The following PHACTR2 variants were observed in gnomAD, a reference collection of about 807,000 sequenced individuals.
PHACTR2 encodes the protein phosphatase and actin regulator 2.
A neutral mutation model predicts 76.0 loss-of-function variants in PHACTR2; 30 were observed. The observed-to-expected ratio is 0.39, with a 90% CI of 0.30 to 0.54. PHACTR2 has a LOEUF of 0.54. Among genes scored for constraint, PHACTR2 ranks in the 20% least tolerant of loss-of-function variants. PHACTR2 has a pLI of 0.61. For synonymous variants in PHACTR2, 292 were observed against 292.5 expected (o/e 1.00, Z 0.02); for missense variants, 696 against 781.1 (o/e 0.89, Z 1.30).
chr6:143,778,676 T>C (rs966819598), intron 9 of PHACTR2, among the ~76,000 whole-genome samples: 1 of 152,218 alleles, frequency 6.6e-6, no homozygotes, highest in African/African-American at 2.4e-5. Flanking sequence ...CTTTTCATGA[T>C]AGGTTCCTGG....
chr6:143,704,085 G>GTGTGTGTGTC (rs1324228115), intron 1 of PHACTR2, among the ~76,000 whole-genome samples: 1 of 142,246 alleles, frequency 7.0e-6, no homozygotes, highest in African/African-American at 2.7e-5. Context: ...GGGTGTGTGT[G>GTGTGTGTGTC]TGTGTGTGTC....
At chr6:143,643,689 T>A (rs1776606384) in intron 1 of PHACTR2, among the ~76,000 whole-genome samples, 1 of 152,162 alleles carries the variant, frequency 6.6e-6, no homozygotes, top group Non-Finnish European at 1.5e-5. Flanking sequence ...ATCTAGATAA[T>A]TATGTTTAAT....
rs753879112 is a variant in PHACTR2, at chr6:143,765,610, C to A, written c.1044C>A (p.Ala348=). The change falls in exon 6 of 13, where the codon GCC becomes GCA. Residue 348 remains alanine (A), a synonymous_variant. Transcript: ENST00000440869. The surrounding 1 kb of genome is among the most constrained non-coding windows in gnomAD (Gnocchi z 4.1). The part of the protein sequence containing the change: ...PPVAPAPSPL[A]PPLPLEDQCI... ...TGGCTCCAGCACCTTCTCCTCTGGC[C>A]CCCCCTCTCCCTCTTGAGGATCAGT... is the stretch of plus-strand genomic sequence containing the variant. 8.4e-5 allele frequency: 135 copies of A among 1,613,956 alleles called. No homozygotes were observed. The highest frequency in any genetic ancestry group is 3.3e-4 in the Middle Eastern group (2 of 6,084).
At chr6:143,759,675 C>G (rs1447664563) in intron 4 of PHACTR2, among the ~76,000 whole-genome samples, 1 of 113,774 alleles carries the variant, frequency 8.8e-6, no homozygotes, top group Non-Finnish European at 1.9e-5. Flanking sequence ...CATGCACACA[C>G]ATACAAAAAA....
rs1413246679 is a variant in PHACTR2, at chr6:143,541,284, T to G, written c.217+4077T>G. On this transcript the variant is annotated intron_variant, in intron 1 of 11. Coordinates refer to the PHACTR2 transcript ENST00000367584. The surrounding 1 kb of genome is among the most constrained non-coding windows in gnomAD (Gnocchi z 5.3). ...TGATGTGCTGTTCTGATAAGCACAG[T>G]GTTTAGTAAGTAAAGAACCTGAAGA... 6.6e-6 allele frequency among the ~76,000 whole-genome samples: 1 copy of G among 152,192 alleles called. No individual in the cohort carries two copies. Among genetic ancestry groups the G allele is most frequent in the Admixed American group, 6.5e-5 (1 of 15,292 alleles).
At chr6:143,655,170 A>G (rs1161899765) in intron 1 of PHACTR2, among the ~76,000 whole-genome samples, 7 of 151,592 alleles carry the variant, frequency 4.6e-5, no homozygotes, top group Non-Finnish European at 1.0e-4. Flanking sequence ...AAAAAAAAAA[A>G]AAAAGAAAAA....
rs1013086766 is a variant in PHACTR2 at position 143,672,287 on chromosome 6, CA to C, written c.14-39715del. Among the ~76,000 whole-genome samples, 501 of 116,488 alleles carry C rather than the reference CA, an allele frequency of 4.3e-3. 3 individuals are homozygous for C. Among genetic ancestry groups the C allele is most frequent in the East Asian group, 0.03 (139 of 4,660 alleles). The allele number at this position is 116,488 out of a possible 152,430, so 76.4% of individuals were successfully genotyped here. The stretch of plus-strand genomic sequence containing the variant: ...GCAATATAGTGAGACCCTATCTCTA[CA>C]AAAAAAAAAAAAATTACAAATAATT... On this transcript the variant is annotated intron_variant, in intron 1 of 11. Transcript: ENST00000305766. The surrounding 1 kb of genome is among the most constrained non-coding windows in gnomAD (Gnocchi z 5.8).
chr6:143,772,466 G>A lies in PHACTR2; in HGVS notation c.1432+9G>A. On this transcript the variant is annotated intron_variant, in intron 7 of 12. Coordinates refer to ENST00000440869, the MANE Select transcript of PHACTR2 (RefSeq NM_001100164.2). The surrounding 1 kb of genome is among the most constrained non-coding windows in gnomAD (Gnocchi z 5.4). ...GGATGGCAGTGGAGAAAGTAAGACT[G>A]TTTTCAAGAGGCAGGGAGGAGCGTG... 5.6e-6 allele frequency: 9 copies of A among 1,606,582 alleles called. No individual in the cohort carries two copies. Among genetic ancestry groups the A allele is most frequent in the Non-Finnish European group, 7.7e-6 (9 of 1,174,056 alleles).
In PHACTR2 at chr6:143,679,577, T is replaced by G. The variant is rs1308997829; in HGVS notation, c.46+1368T>G. Reference sequence around the variant, plus strand: ...ATTTGTGCACCGGCGAAGATAGAATTAAATCTGTACTCCAATACAAGAGTA... The same window carrying G: ...ATTTGTGCACCGGCGAAGATAGAATGAAATCTGTACTCCAATACAAGAGTA... On this transcript the variant is annotated intron_variant, in intron 1 of 12. Coordinates refer to ENST00000440869, the MANE Select transcript of PHACTR2 (RefSeq NM_001100164.2). This position sits in a 1 kb window ranked among gnomAD's most constrained non-coding sequence, Gnocchi z 4.6. Among the ~76,000 whole-genome samples the G allele has an allele frequency of 3.3e-5, 5 of 152,204 alleles. No homozygotes were observed. The East Asian group carries it at 9.6e-4, about 29-fold the overall frequency.
Position 143,784,347 on chromosome 6 carries a change from A to G in PHACTR2, c.1707+1067A>G, listed in dbSNP as rs754112762. Among the ~76,000 whole-genome samples, 5 of 152,222 alleles carry G rather than the reference A, an allele frequency of 3.3e-5. No individual in the cohort carries two copies. The highest frequency in any genetic ancestry group is 4.8e-5 in the African/African-American group (2 of 41,458). The stretch of plus-strand genomic sequence containing the variant: ...AGGGCCATCACTTTTTTCTGTGTTA[A>G]AGTAATAGCCTTTGGAAAAATCAAG... On this transcript the variant is annotated intron_variant, in intron 10 of 12. Coordinates refer to ENST00000440869, the MANE Select transcript of PHACTR2 (RefSeq NM_001100164.2). This position sits in a 1 kb window ranked among gnomAD's most constrained non-coding sequence, Gnocchi z 4.5.
intron 10 of PHACTR2, among the ~76,000 whole-genome samples, chr6:143,786,851 G>T (rs1052798218): frequency 6.6e-6 from 1 of 152,086 alleles, no homozygotes; most frequent in Non-Finnish European, 1.5e-5. Flanking sequence ...CACAACATGT[G>T]GGAATTCTGG....
intron 1 of PHACTR2, among the ~76,000 whole-genome samples, chr6:143,637,461 A>G (rs1231568366): frequency 6.6e-6 from 1 of 152,230 alleles, no homozygotes; most frequent in Admixed American, 6.5e-5. Context: ...ATATGTTCTC[A>G]GTAAGACTTT....
rs1293774220 is a variant in PHACTR2 at position 143,793,984 on chromosome 6, T to G, written c.1845+5074T>G. 6.6e-6 allele frequency among the ~76,000 whole-genome samples: 1 copy of G among 152,068 alleles called. No homozygotes were observed. Among genetic ancestry groups the G allele is most frequent in the Non-Finnish European group, 1.5e-5 (1 of 68,020 alleles). On this transcript the variant is annotated intron_variant, in intron 11 of 12. Transcript: ENST00000440869. This position sits in a 1 kb window ranked among gnomAD's most constrained non-coding sequence, Gnocchi z 4.4. ...AATAGAAAAATGCAACAATTTAAGA[T>G]GTTTATGTGTAGTATATTGTATATA...
At chr6:143,766,752 T>G (rs1023921871) in intron 6 of PHACTR2, among the ~76,000 whole-genome samples, 34 of 152,336 alleles carry the variant, frequency 2.2e-4, no homozygotes, top group African/African-American at 7.5e-4. Flanking sequence ...GTCCTCATTC[T>G]CTTTCATTCT....
chr6:143,714,707 C>A (rs904521458), intron 2 of PHACTR2, among the ~76,000 whole-genome samples: 1 of 152,212 alleles, frequency 6.6e-6, no homozygotes, highest in Non-Finnish European at 1.5e-5. Context: ...TTTCCGTCCA[C>A]TTCTCTCAGA....
chr6:143,694,293 A>G (rs760068198), intron 1 of PHACTR2, among the ~76,000 whole-genome samples: 2 of 152,102 alleles, frequency 1.3e-5, no homozygotes, highest in African/African-American at 2.4e-5. Flanking sequence ...AAAGAAAGAA[A>G]TGGAATATGT....
At chr6:143,677,014 T>TA (rs1777261800), upstream of PHACTR2, among the ~76,000 whole-genome samples, 1 of 151,684 alleles carries the variant, frequency 6.6e-6, no homozygotes, top group Admixed American at 6.6e-5. Flanking sequence ...TAGGATAAAT[T>TA]AAAAAATGAA....
chr6:143,675,277 T>G (rs1166484835), upstream of PHACTR2, among the ~76,000 whole-genome samples: 1 of 152,196 alleles, frequency 6.6e-6, no homozygotes. This position sits in a 1 kb window ranked among gnomAD's most constrained non-coding sequence, Gnocchi z 4.9. Context: ...GTAGATGCCA[T>G]TAGTCTATAT....
In PHACTR2 at chr6:143,608,187, G is replaced by A; in HGVS notation, c.-123G>A. 1.1e-6 allele frequency: 1 copy of A among 948,948 alleles called. No individual in the cohort carries two copies. Among genetic ancestry groups the A allele is most frequent in the South Asian group, 1.3e-5 (1 of 74,150 alleles). The allele number at this position is 948,948 out of a possible 1,614,324, so 58.8% of individuals were successfully genotyped here. The stretch of plus-strand genomic sequence containing the variant: ...GCGGTGTCTCCTGCAGACAGTGCAT[G>A]AAGTATGCTCAGTGTGCCAGCAAGG... On this transcript the variant is annotated 5_prime_UTR_variant, in exon 1 of 12. Coordinates refer to the PHACTR2 transcript ENST00000305766. The surrounding 1 kb of genome is among the most constrained non-coding windows in gnomAD (Gnocchi z 4.6).
Sources: allele counts gnomAD v4.1 joint callset (sites outside exome capture counted in the v4.1 genomes callset), GRCh38; gene constraint gnomAD v4.1.1; non-coding constraint Gnocchi (gnomAD v3.1); transcripts MANE v1.5; gene names NCBI Gene and HGNC (gene_info 2026-07-23, HGNC 2026-07-21).